Variants in TTLL4 observed in about 807,000 individuals in gnomAD.
The protein encoded by TTLL4 is tubulin monoglutamylase TTLL4.
In TTLL4, 85 loss-of-function variants were observed where a neutral mutation model predicts 122.7. The ratio of observed to expected loss-of-function variants is 0.69; its 90% CI spans 0.58 to 0.83. TTLL4 has a LOEUF of 0.83. Among genes scored for constraint, TTLL4 ranks in the 40% least tolerant of loss-of-function variants. TTLL4 has a pLI of 0.00. For synonymous variants in TTLL4, 553 were observed against 563.0 expected, an observed-to-expected ratio of 0.98 and a Z score of 0.25; for missense variants, 1,363 against 1,488.6, an observed-to-expected ratio of 0.92 and a Z score of 1.39.
chr2:218,724,744 C>CTT (rs1293810593), intron 1 of TTLL4, among the ~76,000 whole-genome samples: 1 of 151,860 alleles, frequency 6.6e-6, no homozygotes, highest in Non-Finnish European at 1.5e-5. Context: ...TTTGTGGTTT[C>CTT]TTTGTAACTC....
chr2:218,753,494 T>C (rs1943079874), intron 18 of TTLL4, 90 bp from the exon 19 acceptor site: 3 of 1,274,296 alleles, frequency 2.4e-6, no homozygotes, highest in African/African-American at 2.9e-5. Flanking sequence ...ATGATCCATT[T>C]AGAGGTAGAG....
In TTLL4 at chr2:218,728,945, G is replaced by A. The variant is rs759382484; in HGVS notation, c.-99+1598G>A. Among the ~76,000 whole-genome samples, 18 of 35,354 alleles carry A rather than the reference G, an allele frequency of 5.1e-4. No individual in the cohort carries two copies. In the South Asian group the frequency reaches 8.8e-3, roughly 17 times the overall value. The allele number at this position is 35,354 out of a possible 152,430, so 23.2% of individuals were successfully genotyped here. A position where few individuals can be genotyped will look rare whatever the true frequency, so the allele number is the denominator to read the frequency against. On this transcript the variant is annotated intron_variant, in intron 2 of 19. Coordinates refer to ENST00000392102, the MANE Select transcript of TTLL4 (RefSeq NM_014640.5). The stretch of plus-strand genomic sequence containing the variant: ...TATTTTTTTTTTTTTTTTTTTTGGC[G>A]GGGGGGGGCATAGTTTTGTTCTTGT...
chr2:218,754,423 A>T lies in TTLL4; in HGVS notation c.*34A>T. 1 of 1,610,880 alleles carries T rather than the reference A, an allele frequency of 6.2e-7. No individual in the cohort carries two copies. Among genetic ancestry groups the T allele is most frequent in the Non-Finnish European group, 8.5e-7 (1 of 1,178,558 alleles). On this transcript the variant is annotated 3_prime_UTR_variant, in exon 20 of 20. Coordinates refer to ENST00000392102, the MANE Select transcript of TTLL4 (RefSeq NM_014640.5). ...TCTCCAAAAGCCTCTGCCCAGGAGC[A>T]TGGGCATCAGCTACCTCACGGGAAC...
chr2:218,737,731 T>C lies in TTLL4; in HGVS notation c.55T>C (p.Phe19Leu). The change falls in exon 3 of 20, where the codon TTC (phenylalanine) becomes CTC (leucine). Residue 19 changes from phenylalanine (F) to leucine (L), a missense_variant. Around this residue, in one of 3 missense-constraint regions of TTLL4, gnomAD observed 760 missense variants for 808.4 expected, o/e 0.94. Transcript: ENST00000392102. Reference protein sequence around the residue: ...YSIGLRQKNSFKQSGPSGTVP... With the variant: ...YSIGLRQKNSLKQSGPSGTVP... ...TATTGGCCTCCGCCAGAAAAACAGC[T>C]TCAAGCAGAGTGGTCCCTCAGGCAC... 6.2e-7 allele frequency: 1 copy of C among 1,613,912 alleles called. No homozygotes were observed. Among genetic ancestry groups the C allele is most frequent in the Non-Finnish European group, 8.5e-7 (1 of 1,179,914 alleles).
At chr2:218,726,816 T>C (rs1223375519) in intron 1 of TTLL4, among the ~76,000 whole-genome samples, 1 of 151,276 alleles carries the variant, frequency 6.6e-6, no homozygotes, top group Non-Finnish European at 1.5e-5. Flanking sequence ...TTCTTTCTTT[T>C]TTTTTTGAGA....
At chr2:218,726,241 A>G (rs1942189071) in intron 1 of TTLL4, among the ~76,000 whole-genome samples, 1 of 152,062 alleles carries the variant, frequency 6.6e-6, no homozygotes, top group Admixed American at 6.6e-5. Flanking sequence ...TCTCACTTGG[A>G]TAATTTCCGA....
intron 12 of TTLL4, chr2:218,748,560 C>A: frequency 2.3e-6 from 1 of 426,728 alleles, no homozygotes; most frequent in Admixed American, 4.0e-5. Flanking sequence ...GAAGTTGAGG[C>A]AGGAGAATCA....
rs952590693 is a variant in TTLL4, at chr2:218,754,041, G to A, written c.3345-93G>A. 2.9e-5 allele frequency: 45 copies of A among 1,554,342 alleles called. No homozygotes were observed. The Admixed American group carries it at 4.6e-4, about 16-fold the overall frequency. Reference sequence around the variant, plus strand: ...TTTTGGCCTACAACACTGTAATGTCGTGAATGCCTGCTCCAGACTGAAGGC... The same window carrying A: ...TTTTGGCCTACAACACTGTAATGTCATGAATGCCTGCTCCAGACTGAAGGC... On this transcript the variant is annotated intron_variant, in intron 19 of 19. Transcript: ENST00000392102.
At chr2:218,755,480 C>G (rs1480924310), downstream of TTLL4, 2 of 152,120 alleles carry the variant, frequency 1.3e-5, no homozygotes, top group Non-Finnish European at 2.9e-5. Flanking sequence ...ACCAGAAGTT[C>G]TAATTGTCTC....
chr2:218,715,496 A>G (rs773944225), intron 1 of TTLL4, among the ~76,000 whole-genome samples: 16 of 152,198 alleles, frequency 1.1e-4, no homozygotes, highest in East Asian at 1.9e-4. Context: ...GGTATAGCCT[A>G]TTGCTCCTAG....
chr2:218,747,388 A>G lies in TTLL4; in HGVS notation c.2249+16A>G. ...TGGTACAGAGGTGAGCCTGTAGCAC[A>G]TATCCCTTACCCCATCCTCCCACCT... On this transcript the variant is annotated intron_variant, in intron 10 of 19. Transcript: ENST00000392102. This position sits in a 1 kb window ranked among gnomAD's most constrained non-coding sequence, Gnocchi z 4.7. 3 of 1,613,384 alleles carry G rather than the reference A, an allele frequency of 1.9e-6. No individual in the cohort carries two copies. Among genetic ancestry groups the G allele is most frequent in the Non-Finnish European group, 2.5e-6 (3 of 1,179,744 alleles).
intron 2 of TTLL4, among the ~76,000 whole-genome samples, chr2:218,729,765 A>AAC (rs1942310032): frequency 8.2e-5 from 9 of 109,576 alleles, no homozygotes; most frequent in African/African-American, 2.5e-4. Flanking sequence ...AAAAAAAACA[A>AAC]AAAAAAAAAA....
At chr2:218,715,311 T>C (rs1335259199) in intron 1 of TTLL4, among the ~76,000 whole-genome samples, 1 of 152,238 alleles carries the variant, frequency 6.6e-6, no homozygotes, top group African/African-American at 2.4e-5. Context: ...GTATTGGTAC[T>C]ATGCAAAACA....
Position 218,752,774 on chromosome 2 carries a change from A to G in TTLL4, c.2988A>G (p.Ala996=), listed in dbSNP as rs1275539169. 6 of 1,614,064 alleles carry G rather than the reference A, an allele frequency of 3.7e-6. No individual in the cohort carries two copies. In the African/African-American group the frequency reaches 4.0e-5, roughly 11 times the overall value. ...TQKIPDQDFY[A]SVLDVLTPDD... Reference sequence around the variant, plus strand: ...TCCTTGGACCACAGGACTTCTATGCATCTGTGCTGGATGTCCTGACACCAG... The same window carrying G: ...TCCTTGGACCACAGGACTTCTATGCGTCTGTGCTGGATGTCCTGACACCAG... Residue 996 remains alanine (A), a synonymous_variant, in exon 17 of 20, where the codon GCA becomes GCG. Coordinates refer to ENST00000392102, the MANE Select transcript of TTLL4 (RefSeq NM_014640.5).
At chr2:218,722,367 T>TC (rs1246798222) in intron 1 of TTLL4, among the ~76,000 whole-genome samples, 4 of 151,730 alleles carry the variant, frequency 2.6e-5, no homozygotes, top group Non-Finnish European at 5.9e-5. Context: ...TTTTTTTTTT[T>TC]TGAGCCAAGT....
At position 218,749,383 on chromosome 2, in the gene TTLL4, C is replaced by G. The variant is rs763171426; in HGVS notation, c.2731C>G (p.Pro911Ala). Residue 911 changes from proline to alanine, a missense_variant, in exon 14 of 20, where the codon CCA becomes GCA. Around this residue, in one of 3 missense-constraint regions of TTLL4, gnomAD observed 596 missense variants for 655.8 expected, o/e 0.91. Transcript: ENST00000392102. ...CTGGGTCCTGGAAGTCAACATTTCC[C>G]CAAGGTAGGTGGTATTCTCAGGACA... ...KPWVLEVNIS[P>A]SLHSSSPLDI... 1 of 1,614,126 alleles carries G rather than the reference C, an allele frequency of 6.2e-7. No individual in the cohort carries two copies. The highest frequency in any genetic ancestry group is 8.5e-7 in the Non-Finnish European group (1 of 1,180,018).
intron 12 of TTLL4, 100 bp downstream of exon 12, chr2:218,748,327 T>C: frequency 6.6e-7 from 1 of 1,509,208 alleles, no homozygotes; most frequent in African/African-American, 1.4e-5. Flanking sequence ...AGGATTAATA[T>C]AAGACCCAGA....
intron 1 of TTLL4, among the ~76,000 whole-genome samples, chr2:218,719,969 A>G (rs1941984720): frequency 1.3e-5 from 2 of 152,254 alleles, no homozygotes; most frequent in South Asian, 4.1e-4. Flanking sequence ...TGCTAAGTAG[A>G]CAGAGTGTCT....
chr2:218,743,707 T>G (rs1405787718), intron 5 of TTLL4, among the ~76,000 whole-genome samples: 1 of 152,140 alleles, frequency 6.6e-6, no homozygotes, highest in Non-Finnish European at 1.5e-5. Context: ...GAGATGGAGT[T>G]TTGCTCTTGT....
Sources: allele counts gnomAD v4.1 joint callset (sites outside exome capture counted in the v4.1 genomes callset), GRCh38; gene constraint gnomAD v4.1.1; regional missense constraint gnomAD v4.1.1; non-coding constraint Gnocchi (gnomAD v3.1); transcripts MANE v1.5; gene names NCBI Gene and HGNC (gene_info 2026-07-23, HGNC 2026-07-21).